CACHD1: variants seen among roughly 807,000 people sequenced by gnomAD.
The protein encoded by CACHD1 is cache domain containing 1.
Under a neutral mutation model 138.7 loss-of-function variants are expected in CACHD1, and 71 were observed. The observed-to-expected ratio is 0.51, with a 90% CI of 0.42 to 0.62. The LOEUF is 0.62. CACHD1 is among the 20% of genes least tolerant of loss of function. The probability of loss-of-function intolerance (pLI) is 0.00; values close to 1 mark genes in which losing one functional copy is unlikely to be tolerated. For synonymous variants in CACHD1, 578 were observed against 591.5 expected (o/e 0.98, Z 0.33); for missense variants, 1,389 against 1,625.3 (o/e 0.85, Z 2.50).
chr1:64,612,254 T>A (rs1386097545), intron 4 of CACHD1, among the ~76,000 whole-genome samples: 3 of 152,242 alleles, frequency 2.0e-5, no homozygotes, highest in Non-Finnish European at 4.4e-5. Context: ...ATTATCTTAA[T>A]ACAAAGTATC....
Position 64,632,639 on chromosome 1 carries a change from A to G in CACHD1, c.685A>G (p.Ile229Val), listed in dbSNP as rs747831168. Residue 229 changes from isoleucine to valine, a missense_variant, in exon 6 of 27, where the codon ATA (isoleucine) becomes GTA (valine). Physicochemically the swap from Ile to Val is conservative, Grantham distance 29 (BLOSUM62 3). This residue lies in a region of CACHD1 where 1,000 missense variants were observed against 1,114.7 expected (regional missense o/e 0.90). Transcript: ENST00000651257. ...VSTVRPQSKH[I>V]VVILDHGASV... ...TACAGTCCGGCCGCAGTCAAAGCAC[A>G]TAGTAGTGATTCTGGACCACGGGGC... 1.9e-6 allele frequency: 3 copies of G among 1,614,106 alleles called. No homozygotes were observed. Among genetic ancestry groups the G allele is most frequent in the Admixed American group, 1.7e-5 (1 of 60,018 alleles).
chr1:64,508,163 A>G (rs2100340973), intron 1 of CACHD1, among the ~76,000 whole-genome samples: 1 of 152,284 alleles, frequency 6.6e-6, no homozygotes, highest in South Asian at 2.1e-4. Context: ...GTGAGAACTC[A>G]GTCATTATCA....
intron 4 of CACHD1, among the ~76,000 whole-genome samples, chr1:64,626,246 C>G (rs1160792138): frequency 1.8e-4 from 27 of 152,184 alleles, no homozygotes; most frequent in Admixed American, 1.8e-3. Context: ...TGAGTATGTA[C>G]ATGCTAGAAA....
chr1:64,656,985 T>C (rs1649282635), intron 12 of CACHD1, among the ~76,000 whole-genome samples: 1 of 152,172 alleles, frequency 6.6e-6, no homozygotes, highest in Non-Finnish European at 1.5e-5. Flanking sequence ...CTCATAGATA[T>C]AGCAGATATT....
At chr1:64,574,015 G>T (rs759227467) in intron 2 of CACHD1, among the ~76,000 whole-genome samples, 1 of 152,310 alleles carries the variant, frequency 6.6e-6, no homozygotes, top group South Asian at 2.1e-4. Flanking sequence ...GGAACAAATG[G>T]TGAGTCCTAG....
At chr1:64,634,828 A>G (rs984069344) in intron 7 of CACHD1, among the ~76,000 whole-genome samples, 1 of 151,840 alleles carries the variant, frequency 6.6e-6, no homozygotes, top group Non-Finnish European at 1.5e-5. Flanking sequence ...CCCCATCTCT[A>G]CTAAAAATAC....
chr1:64,518,551 A>C (rs1646475650), intron 1 of CACHD1, among the ~76,000 whole-genome samples: 2 of 152,200 alleles, frequency 1.3e-5, no homozygotes, highest in African/African-American at 4.8e-5. Flanking sequence ...AAATGGAAGC[A>C]GGTCTAAGAT....
At chr1:64,552,328 A>G (rs1646765172) in intron 2 of CACHD1, among the ~76,000 whole-genome samples, 1 of 152,192 alleles carries the variant, frequency 6.6e-6, no homozygotes, top group African/African-American at 2.4e-5. Flanking sequence ...ACCTTGAAGG[A>G]AAGATATCTT....
intron 8 of CACHD1, 92 bp from the exon 9 acceptor site, chr1:64,647,709 C>T: frequency 9.7e-7 from 1 of 1,026,090 alleles, no homozygotes; most frequent in Non-Finnish European, 1.5e-6. Context: ...TACAAGACCT[C>T]ATCCATGCCC....
chr1:64,664,167 C>A (rs563082867), intron 14 of CACHD1: 2 of 443,398 alleles, frequency 4.5e-6, no homozygotes, highest in Non-Finnish European at 8.0e-6. Context: ...TGCTGTCTCT[C>A]GAGATAAATA....
chr1:64,546,801 A>T (rs1360004372), intron 1 of CACHD1, among the ~76,000 whole-genome samples: 1 of 152,106 alleles, frequency 6.6e-6, no homozygotes, highest in African/African-American at 2.4e-5. Context: ...AAAGCCCCGT[A>T]CTCTATTTCT....
chr1:64,654,651 T>C (rs745930279), intron 11 of CACHD1, 35 bp from the exon 12 acceptor site: 10 of 1,501,028 alleles, frequency 6.7e-6, no homozygotes, highest in Non-Finnish European at 8.3e-6. Context: ...ATTTTATCTT[T>C]TGCCTGAAAT....
chr1:64,688,360 A>G (rs919571911), intron 26 of CACHD1, among the ~76,000 whole-genome samples: 12 of 152,170 alleles, frequency 7.9e-5, no homozygotes, highest in South Asian at 4.1e-4. Context: ...AACACTCCAG[A>G]CTTAGCACTG....
chr1:64,588,291 A>G (rs1647067434), intron 3 of CACHD1, among the ~76,000 whole-genome samples: 1 of 152,206 alleles, frequency 6.6e-6, no homozygotes, highest in African/African-American at 2.4e-5. Flanking sequence ...TCCTTTAGGC[A>G]TAACACTAAG....
chr1:64,626,564 G>A (rs1356391049), intron 4 of CACHD1, among the ~76,000 whole-genome samples: 1 of 152,178 alleles, frequency 6.6e-6, no homozygotes, highest in African/African-American at 2.4e-5. Flanking sequence ...AGAGGAACTT[G>A]GCCTCTGGCT....
chr1:64,560,346 C>G (rs1252590184), intron 2 of CACHD1, among the ~76,000 whole-genome samples: 1 of 151,870 alleles, frequency 6.6e-6, no homozygotes. Context: ...GCATTTAAAG[C>G]TATAAACGTT....
rs777048793 is a variant in CACHD1, at chr1:64,664,646, T to A, written c.2243T>A (p.Met748Lys). ...CTCAGAATTTATCCTGGTTCCCTCA[T>A]GGACAAAGCATTTGATCCCACTAGG... Reference protein sequence around the residue: ...GVLRIYPGSLMDKAFDPTRRQ... With the variant: ...GVLRIYPGSLKDKAFDPTRRQ... The change falls in exon 15 of 27, where the codon ATG becomes AAG. Residue 748 changes from methionine (M) to lysine (K), a missense_variant. By Grantham distance (95) the Met-to-Lys change is moderately conservative. This residue lies in a region of CACHD1 where 1,000 missense variants were observed against 1,114.7 expected (regional missense o/e 0.90). Coordinates refer to ENST00000651257, the MANE Select transcript of CACHD1 (RefSeq NM_020925.4). 4.2e-5 allele frequency: 68 copies of A among 1,614,202 alleles called. No homozygotes were observed. The highest frequency in any genetic ancestry group is 5.6e-5 in the Non-Finnish European group (66 of 1,180,014).
chr1:64,663,125 A>G (rs536152855), intron 13 of CACHD1, among the ~76,000 whole-genome samples: 140 of 152,334 alleles, frequency 9.2e-4, no homozygotes, highest in Admixed American at 2.6e-3. Flanking sequence ...CTCATTCCTC[A>G]TAAGATATTA....
intron 3 of CACHD1, among the ~76,000 whole-genome samples, chr1:64,590,659 GGTTTTGTTTT>G (rs5774709): frequency 2.0e-4 from 31 of 151,910 alleles, no homozygotes; most frequent in East Asian, 1.2e-3. Flanking sequence ...TCAAGTCAAG[GGTTTTGTTTT>G]GTTTTGTTTT....
Sources: allele counts gnomAD v4.1 joint callset (sites outside exome capture counted in the v4.1 genomes callset), GRCh38; gene constraint gnomAD v4.1.1; regional missense constraint gnomAD v4.1.1; transcripts MANE v1.5; gene names NCBI Gene and HGNC (gene_info 2026-07-23, HGNC 2026-07-21).